Variants in RBFOX1 observed in about 807,000 individuals in gnomAD.
RBFOX1 encodes the protein RNA binding protein fox-1 homolog 1.
RBFOX1 carries 8 observed loss-of-function variants against 57.7 expected under a neutral mutation model. The observed-to-expected ratio is 0.14, with a 90% CI of 0.08 to 0.25. The LOEUF is 0.25. Ranked by LOEUF, RBFOX1 falls within the 10% of genes least tolerant of loss-of-function variation. RBFOX1 has a pLI of 1.00. For missense variants in RBFOX1, 611 were observed against 548.5 expected, an observed-to-expected ratio of 1.11 and a Z score of -1.14; for synonymous variants, 326 against 222.4, an observed-to-expected ratio of 1.47 and a Z score of -4.15.
intron 3 of RBFOX1, among the ~76,000 whole-genome samples, chr16:6,750,488 G>A (rs1005195732): frequency 6.6e-6 from 1 of 152,148 alleles, no homozygotes; most frequent in Non-Finnish European, 1.5e-5. Context: ...AATATTTCTT[G>A]ACATATGTTT....
At chr16:5,931,673 G>C (rs906622711) in intron 4 of RBFOX1, among the ~76,000 whole-genome samples, 2 of 152,134 alleles carry the variant, frequency 1.3e-5, no homozygotes, top group African/African-American at 4.8e-5. Context: ...CTCAAGTTTT[G>C]TGGGTCCTGA....
chr16:7,509,337 A>C (rs143883444), intron 4 of RBFOX1, among the ~76,000 whole-genome samples: 137 of 152,082 alleles, frequency 9.0e-4, no homozygotes, highest in African/African-American at 3.0e-3. Flanking sequence ...TTACCGTTGC[A>C]TTAAATGTGA....
rs139314324 is a variant in RBFOX1, at chr16:6,377,509, G to A, written c.-64+60452G>A. ...ATGAATGATAATGCTCTGGGCCCTG[G>A]CAAGTCTCAGCCTGGAGAACTGAGT... On this transcript the variant is annotated intron_variant, in intron 2 of 15. Transcript: ENST00000550418. Among the ~76,000 whole-genome samples the A allele has an allele frequency of 9.1e-3, 1,378 of 152,156 alleles. 22 individuals carry two copies. Among genetic ancestry groups the A allele is most frequent in the African/African-American group, 0.03 (1,243 of 41,498 alleles).
At chr16:7,700,098 C>A (rs1324790227) in intron 14 of RBFOX1, among the ~76,000 whole-genome samples, 1 of 152,068 alleles carries the variant, frequency 6.6e-6, no homozygotes. Flanking sequence ...CTTTGATCTG[C>A]TTGCTTTGAG....
chr16:6,903,062 A>G (rs545883700), intron 3 of RBFOX1, among the ~76,000 whole-genome samples: 1 of 152,296 alleles, frequency 6.6e-6, no homozygotes, highest in South Asian at 2.1e-4. Context: ...TTTTGTGAGC[A>G]TCTGTTGGAG....
At position 7,357,753 on chromosome 16, in the gene RBFOX1, A is replaced by C. The variant is rs1190308501; in HGVS notation, c.28-160394A>C. ...CTAGTGGAGGTGCTTCCTGTGACCA[A>C]GTGGTGCTTTAACTCTTTATTTTAA... On this transcript the variant is annotated intron_variant, in intron 4 of 15. Transcript: ENST00000550418. 2.6e-5 allele frequency among the ~76,000 whole-genome samples: 4 copies of C among 152,206 alleles called. No homozygotes were observed. The South Asian group carries it at 6.2e-4, about 24-fold the overall frequency.
intron 2 of RBFOX1, among the ~76,000 whole-genome samples, chr16:6,533,033 A>C (rs1416816749): frequency 6.6e-6 from 1 of 152,180 alleles, no homozygotes; most frequent in African/African-American, 2.4e-5. Flanking sequence ...GATTCATCTT[A>C]CTTCTGATGC....
intron 1 of RBFOX1, among the ~76,000 whole-genome samples, chr16:6,210,601 G>C (rs2097289986): frequency 6.6e-6 from 1 of 151,784 alleles, no homozygotes; most frequent in South Asian, 2.1e-4. Context: ...GCATGTCTGT[G>C]GTCCCAACTA....
At chr16:7,708,267 A>T (rs1035959616) in intron 14 of RBFOX1, among the ~76,000 whole-genome samples, 7 of 152,156 alleles carry the variant, frequency 4.6e-5, no homozygotes, top group African/African-American at 1.7e-4. Flanking sequence ...GTTAACTTCC[A>T]GATATTTAGT....
At chr16:5,892,665 C>T (rs1486953217) in intron 4 of RBFOX1, among the ~76,000 whole-genome samples, 3 of 152,124 alleles carry the variant, frequency 2.0e-5, no homozygotes, top group African/African-American at 7.2e-5. Flanking sequence ...TCAAATTCAC[C>T]CTGCTAAAGA....
intron 3 of RBFOX1, among the ~76,000 whole-genome samples, chr16:6,711,810 T>C (rs1402164086): frequency 6.6e-6 from 1 of 152,196 alleles, no homozygotes; most frequent in Non-Finnish European, 1.5e-5. Context: ...GCATTGTCTA[T>C]TTCCTCTACC....
chr16:7,179,725 C>A (rs1431190609), intron 4 of RBFOX1, among the ~76,000 whole-genome samples: 1 of 151,274 alleles, frequency 6.6e-6, no homozygotes, highest in Admixed American at 6.6e-5. Context: ...AATTCACCAT[C>A]TTCCCAGATT....
chr16:6,875,305 G>A (rs2061640257), intron 3 of RBFOX1, among the ~76,000 whole-genome samples: 1 of 152,120 alleles, frequency 6.6e-6, no homozygotes. Context: ...TGGTGGGGGT[G>A]CGTTTTTTAG....
chr16:5,539,416 A>G (rs1843648), intron 2 of RBFOX1, among the ~76,000 whole-genome samples: 17,743 of 151,930 alleles, frequency 0.12, 1,475 homozygotes, highest in African/African-American at 0.24. Flanking sequence ...AACATGACAA[A>G]ACCCTGTCTC....
At chr16:7,664,733 A>C in intron 12 of RBFOX1, 196 bp from the exon 13 acceptor site, 1 of 912,098 alleles carries the variant, frequency 1.1e-6, no homozygotes, top group Non-Finnish European at 1.6e-6. Flanking sequence ...CTGGGCCAAC[A>C]CCAAAGCCCG....
intron 1 of RBFOX1, among the ~76,000 whole-genome samples, chr16:5,363,389 A>G (rs1397397789): frequency 2.0e-5 from 3 of 152,228 alleles, no homozygotes; most frequent in African/African-American, 7.2e-5. Flanking sequence ...ATCATATGGT[A>G]GTTCTACTTG....
chr16:5,649,240 C>A (rs1292103050), intron 3 of RBFOX1, among the ~76,000 whole-genome samples: 1 of 152,004 alleles, frequency 6.6e-6, no homozygotes, highest in African/African-American at 2.4e-5. Context: ...ACAATTTTGG[C>A]TCACTGCAAC....
chr16:5,822,798 T>C (rs2055903092), intron 3 of RBFOX1, among the ~76,000 whole-genome samples: 1 of 152,184 alleles, frequency 6.6e-6, no homozygotes, highest in Non-Finnish European at 1.5e-5. Context: ...GCATGGACTT[T>C]GGAACCTAGC....
chr16:7,011,839 C>T (rs770343754), intron 3 of RBFOX1, among the ~76,000 whole-genome samples: 1 of 152,164 alleles, frequency 6.6e-6, no homozygotes, highest in Non-Finnish European at 1.5e-5. Context: ...ACAGTGATAT[C>T]AGTCATGAGA....
Sources: allele counts gnomAD v4.1 joint callset (sites outside exome capture counted in the v4.1 genomes callset), GRCh38; gene constraint gnomAD v4.1.1; transcripts MANE v1.5; gene names NCBI Gene and HGNC (gene_info 2026-07-23, HGNC 2026-07-21).